NRG1: variants seen among roughly 807,000 people sequenced by gnomAD.
NRG1 encodes the protein neuregulin 1, also known as pro-neuregulin-1, membrane-bound isoform.
In NRG1, 18 loss-of-function variants were observed where a neutral mutation model predicts 63.8. That is an observed-to-expected ratio of 0.28 (90% CI 0.19 to 0.42). The LOEUF (loss-of-function observed/expected upper bound fraction) is 0.42, where lower values mean the gene tolerates loss of function less well. Ranked by LOEUF, NRG1 falls within the 10% of genes least tolerant of loss-of-function variation. The pLI is 1.00. For synonymous variants in NRG1, 302 were observed against 301.3 expected (o/e 1.00, Z -0.02); for missense variants, 762 against 814.7 (o/e 0.94, Z 0.79).
At chr8:32,499,411 G>A (rs146928459) in intron 1 of NRG1, among the ~76,000 whole-genome samples, 3 of 152,284 alleles carry the variant, frequency 2.0e-5, no homozygotes, top group East Asian at 3.9e-4. Context: ...GGCTGGGTGC[G>A]GTAGCTGACA....
At chr8:31,783,603 C>CA (rs772436543) in intron 1 of NRG1, among the ~76,000 whole-genome samples, 25,499 of 110,310 alleles carry the variant, frequency 0.23, 2,558 homozygotes, top group African/African-American at 0.33. Context: ...TGTTTTCAGG[C>CA]AAAAAAAAAA....
At chr8:32,371,397 T>A (rs1808839732) in intron 1 of NRG1, among the ~76,000 whole-genome samples, 1 of 152,198 alleles carries the variant, frequency 6.6e-6, no homozygotes, top group Non-Finnish European at 1.5e-5. Flanking sequence ...TGATATGGAT[T>A]TCTTACCTTA....
At chr8:32,165,950 A>C (rs190109180) in intron 1 of NRG1, among the ~76,000 whole-genome samples, 3 of 152,170 alleles carry the variant, frequency 2.0e-5, no homozygotes, top group East Asian at 1.9e-4. Context: ...GCTTGTGTAC[A>C]TGATCATAGA....
At chr8:31,989,254 A>AAAAAAAAAAAAAAAAAAAAAAAAAAAAAC in intron 1 of NRG1, among the ~76,000 whole-genome samples, 1 of 17,502 alleles carries the variant, frequency 5.7e-5, no homozygotes, top group South Asian at 2.0e-3. Flanking sequence ...ACTCTGTCTC[A>AAAAAAAAAAAAAAAAAAAAAAAAAAAAAC]AAAAAAAAAA....
intron 1 of NRG1, among the ~76,000 whole-genome samples, chr8:32,027,444 CCTTCCTTCCT>C (rs1817575125): frequency 1.5e-5 from 2 of 130,226 alleles, no homozygotes; most frequent in Non-Finnish European, 3.2e-5. Flanking sequence ...TTCCTTCCTT[CCTTCCTTCCT>C]TCCTTCCTTC....
At chr8:31,774,014 TAAAAAA>T (rs59980607) in intron 1 of NRG1, among the ~76,000 whole-genome samples, 2 of 145,136 alleles carry the variant, frequency 1.4e-5, no homozygotes, top group South Asian at 4.3e-4. Context: ...GTGTTAAAAT[TAAAAAA>T]AAAAAGAAAA....
At chr8:32,143,955 A>G (rs994887541) in intron 1 of NRG1, among the ~76,000 whole-genome samples, 1 of 152,152 alleles carries the variant, frequency 6.6e-6, no homozygotes, top group Non-Finnish European at 1.5e-5. Context: ...TCTGCCTGCC[A>G]TTTGTGTGCA....
intron 2 of NRG1, among the ~76,000 whole-genome samples, chr8:32,600,627 T>C (rs1844179602): frequency 6.6e-6 from 1 of 152,176 alleles, no homozygotes; most frequent in African/African-American, 2.4e-5. Context: ...CACATTAATT[T>C]ATTTTTACAC....
chr8:32,485,708 A>G (rs577360341), intron 1 of NRG1, among the ~76,000 whole-genome samples: 1 of 152,348 alleles, frequency 6.6e-6, no homozygotes, highest in East Asian at 1.9e-4. Flanking sequence ...AATTGTCAGA[A>G]TATTGCATTT....
At chr8:32,352,504 C>A (rs2129479914) in intron 1 of NRG1, among the ~76,000 whole-genome samples, 1 of 152,200 alleles carries the variant, frequency 6.6e-6, no homozygotes, top group South Asian at 2.1e-4. Flanking sequence ...TCTCACTGGG[C>A]AAGCAATTTG....
At position 32,650,135 on chromosome 8, in the gene NRG1, T is replaced by C. The variant is rs1854675210; in HGVS notation, c.502+33250T>C. Among the ~76,000 whole-genome samples, 4 of 152,260 alleles carry C rather than the reference T, an allele frequency of 2.6e-5. No individual in the cohort carries two copies. The South Asian group carries it at 8.3e-4, about 32-fold the overall frequency. Reference sequence around the variant, plus strand: ...CCTGATCTAAGACCATGTCAGAAAGTATGTTGTGAAGTTTTGATAAATTAT... The same window carrying C: ...CCTGATCTAAGACCATGTCAGAAAGCATGTTGTGAAGTTTTGATAAATTAT... On this transcript the variant is annotated intron_variant, in intron 5 of 11. Coordinates refer to ENST00000356819, the Ensembl canonical transcript of NRG1.
intron 1 of NRG1, among the ~76,000 whole-genome samples, chr8:32,574,873 A>G (rs775706819): frequency 6.6e-6 from 1 of 152,196 alleles, no homozygotes; most frequent in African/African-American, 2.4e-5. Flanking sequence ...CAGCTTTGCC[A>G]CCTAACTCTC....
chr8:32,311,230 T>A (rs1342870631), intron 1 of NRG1, among the ~76,000 whole-genome samples: 1 of 152,118 alleles, frequency 6.6e-6, no homozygotes, highest in Non-Finnish European at 1.5e-5. Context: ...ACAAGACAGA[T>A]AAGATTCCTG....
chr8:32,399,032 A>G (rs1461553692), intron 1 of NRG1, among the ~76,000 whole-genome samples: 1 of 152,234 alleles, frequency 6.6e-6, no homozygotes, highest in African/African-American at 2.4e-5. Flanking sequence ...AAATAAAACA[A>G]TGTAGTACTT....
At chr8:32,213,146 C>A (rs1169599612) in intron 1 of NRG1, among the ~76,000 whole-genome samples, 1 of 152,082 alleles carries the variant, frequency 6.6e-6, no homozygotes, top group Non-Finnish European at 1.5e-5. Flanking sequence ...CATTCTATTA[C>A]AAAGATACAG....
intron 1 of NRG1, among the ~76,000 whole-genome samples, chr8:32,211,493 A>G (rs995485280): frequency 6.6e-6 from 1 of 152,142 alleles, no homozygotes; most frequent in Non-Finnish European, 1.5e-5. Flanking sequence ...ATTATCCTCT[A>G]GCATGCACAT....
intron 1 of NRG1, among the ~76,000 whole-genome samples, chr8:31,774,898 A>G (rs1473393335): frequency 6.6e-6 from 1 of 152,220 alleles, no homozygotes; most frequent in Non-Finnish European, 1.5e-5. Context: ...TATACCAGTC[A>G]GAATAGTTAT....
At chr8:32,192,685 C>T (rs542827032) in intron 1 of NRG1, among the ~76,000 whole-genome samples, 14 of 152,180 alleles carry the variant, frequency 9.2e-5, no homozygotes, top group African/African-American at 3.4e-4. Context: ...CTAAGCATCA[C>T]ATAACATAAC....
At chr8:32,475,435 A>G (rs546026895) in intron 1 of NRG1, among the ~76,000 whole-genome samples, 5 of 129,928 alleles carry the variant, frequency 3.8e-5, no homozygotes, top group African/African-American at 1.5e-4. Context: ...ACTGCACTCC[A>G]GCCTGGTGAC....
Sources: gnomAD v4.1 joint callset for allele counts (sites outside exome capture counted in the v4.1 genomes callset) on GRCh38, gnomAD v4.1.1 for gene constraint, MANE v1.5 for transcripts, NCBI Gene and HGNC (gene_info 2026-07-23, HGNC 2026-07-21) for gene names.